Variants in DNPH1 observed in about 807,000 individuals in gnomAD.
DNPH1 encodes the protein 2'-deoxynucleoside 5'-phosphate N-hydrolase 1.
DNPH1 carries 18 observed loss-of-function variants against 15.7 expected under a neutral mutation model. The observed-to-expected ratio is 1.15, with a 90% CI of 0.79 to 1.70. DNPH1 has a LOEUF of 1.70. DNPH1 is among the 40% of genes most tolerant of loss of function. The probability of loss-of-function intolerance (pLI) is 0.00; values close to 1 mark genes in which losing one functional copy is unlikely to be tolerated. For missense variants in DNPH1, 262 were observed against 255.2 expected (o/e 1.03, Z -0.18); for synonymous variants, 114 against 107.9 (o/e 1.06, Z -0.35).
Position 43,225,658 on chromosome 6 carries a change from C to T in DNPH1, c.*75G>A, listed in dbSNP as rs1049944012. 6.4e-7 allele frequency: 1 copy of T among 1,560,994 alleles called. No homozygotes were observed. The highest frequency in any genetic ancestry group is 8.7e-7 in the Non-Finnish European group (1 of 1,144,136). ...GATTTTAACTGTACCTTTTAATTTG[C>T]TCCTGGGGCTAAGAGGAAGGAATGG... On this transcript the variant is annotated 3_prime_UTR_variant, in exon 4 of 4. Transcript: ENST00000230431.
In DNPH1 at chr6:43,229,326, G is replaced by C; in HGVS notation, c.131C>G (p.Ser44Cys). ...CACTGTCCCGAATCGCCGCAGCCGA[G>C]ACACGATCCGCTCGTACAGCGTCCT... ...EDRTLYERIV[S>C]RLRRFGTVLT... Residue 44 changes from serine (S) to cysteine (C), a missense_variant, in exon 1 of 4, where the codon TCT becomes TGT. Ser to Cys is a moderately radical substitution (Grantham distance 112). Transcript: ENST00000230431. The C allele has an allele frequency of 6.7e-7, 1 of 1,491,096 alleles. No individual in the cohort carries two copies. Among genetic ancestry groups the C allele is most frequent in the Non-Finnish European group, 8.9e-7 (1 of 1,123,656 alleles). The allele number at this position is 1,491,096 out of a possible 1,614,324, so 92.4% of individuals were successfully genotyped here. A position where few individuals can be genotyped will look rare whatever the true frequency, so the allele number is the denominator to read the frequency against.
chr6:43,226,660 A>C lies in DNPH1; in HGVS notation c.197-265T>G, dbSNP rs1319470455. 30 of 503,784 alleles carry C rather than the reference A, an allele frequency of 6.0e-5. No homozygotes were observed. Among genetic ancestry groups the C allele is most frequent in the Non-Finnish European group, 1.0e-4 (29 of 284,960 alleles). The allele number at this position is 503,784 out of a possible 1,614,324, so 31.2% of individuals were successfully genotyped here. On this transcript the variant is annotated intron_variant, in intron 1 of 3. Transcript: ENST00000230431. This position sits in a 1 kb window ranked among gnomAD's most constrained non-coding sequence, Gnocchi z 4.1. The stretch of plus-strand genomic sequence containing the variant: ...TAACTGTGGATGACATTGATTAGGG[A>C]AAGGTGCATGGGCACTTAGCCAAAA...
intron 1 of DNPH1, among the ~76,000 whole-genome samples, chr6:43,228,545 G>T: frequency 6.6e-6 from 1 of 152,126 alleles, no homozygotes; most frequent in East Asian, 1.9e-4. Context: ...GGGGAGGCAG[G>T]CCCTGGGCGG....
intron 1 of DNPH1, 26 bp downstream of exon 1, chr6:43,229,235 C>T: frequency 3.8e-6 from 5 of 1,314,202 alleles, no homozygotes; most frequent in South Asian, 4.2e-5. Flanking sequence ...CCCGCGTCCC[C>T]GCGTCCCGCG....
chr6:43,229,192 G>GC (rs1316279035), intron 1 of DNPH1, 69 bp downstream of exon 1: 3 of 1,281,772 alleles, frequency 2.3e-6, no homozygotes, highest in Non-Finnish European at 2.0e-6. Flanking sequence ...GGGGCGGACA[G>GC]GCCGGGTCCC....
At chr6:43,227,159 G>A (rs1012612382) in intron 1 of DNPH1, among the ~76,000 whole-genome samples, 1 of 151,820 alleles carries the variant, frequency 6.6e-6, no homozygotes, top group African/African-American at 2.4e-5. Flanking sequence ...GCTCACGCCT[G>A]TAATCCCAGC....
In DNPH1 at chr6:43,226,585, A is replaced by C; in HGVS notation, c.197-190T>G. The stretch of plus-strand genomic sequence containing the variant: ...GCCACAAAAAGAAAAATTCAACCCT[A>C]TGCAAGGTGGGACATGTGATTAGGG... On this transcript the variant is annotated intron_variant, in intron 1 of 3. Transcript: ENST00000230431. The surrounding 1 kb of genome is among the most constrained non-coding windows in gnomAD (Gnocchi z 4.1). 4 of 581,026 alleles carry C rather than the reference A, an allele frequency of 6.9e-6. No homozygotes were observed. The highest frequency in any genetic ancestry group is 6.1e-6 in the Non-Finnish European group (2 of 328,780). The allele number at this position is 581,026 out of a possible 1,614,324, so 36.0% of individuals were successfully genotyped here.
At chr6:43,228,663 T>C (rs1776777636) in intron 1 of DNPH1, among the ~76,000 whole-genome samples, 1 of 151,850 alleles carries the variant, frequency 6.6e-6, no homozygotes, top group Non-Finnish European at 1.5e-5. Context: ...CCGTCTCTAC[T>C]AAAAATACAA....
At chr6:43,229,092 C>A (rs1327896478) in intron 1 of DNPH1, 169 bp downstream of exon 1, 2 of 677,408 alleles carry the variant, frequency 3.0e-6, no homozygotes, top group South Asian at 3.1e-5. Context: ...GAGCCCCGGC[C>A]CGTTTCCTTC....
chr6:43,226,150 G>A lies in DNPH1; in HGVS notation c.266-7C>T, dbSNP rs1468818989. ...GTCACTTCTGCCACGACCACTGGGA[G>A]GAAAGATGAGAGGAAGCCTCAGCAT... On this transcript the variant is annotated splice_region_variant and splice_polypyrimidine_tract_variant and intron_variant, in intron 2 of 3. Transcript: ENST00000230431. This position sits in a 1 kb window ranked among gnomAD's most constrained non-coding sequence, Gnocchi z 4.1. 6.2e-7 allele frequency: 1 copy of A among 1,612,944 alleles called. No homozygotes were observed. Among genetic ancestry groups the A allele is most frequent in the East Asian group, 2.2e-5 (1 of 44,886 alleles).
chr6:43,227,557 C>T (rs1406931187), intron 1 of DNPH1, among the ~76,000 whole-genome samples: 1 of 152,104 alleles, frequency 6.6e-6, no homozygotes, highest in Non-Finnish European at 1.5e-5. Flanking sequence ...GAGCTGTAAG[C>T]TTCAGGGTCC....
Position 43,226,686 on chromosome 6 carries a change from G to A in DNPH1, c.197-291C>T. ...AAGGTGCATGGGCACTTAGCCAAAA[G>A]TAGGAGAGGCATCCTAGGCCCAGAA... On this transcript the variant is annotated intron_variant, in intron 1 of 3. Coordinates refer to ENST00000230431, the MANE Select transcript of DNPH1 (RefSeq NM_006443.3). This position sits in a 1 kb window ranked among gnomAD's most constrained non-coding sequence, Gnocchi z 4.1. 1 of 438,764 alleles carries A rather than the reference G, an allele frequency of 2.3e-6. No individual in the cohort carries two copies. The highest frequency in any genetic ancestry group is 4.1e-5 in the East Asian group (1 of 24,396). The allele number at this position is 438,764 out of a possible 1,614,324, so 27.2% of individuals were successfully genotyped here. A position where few individuals can be genotyped will look rare whatever the true frequency, so the allele number is the denominator to read the frequency against.
At chr6:43,228,580 C>A (rs959469931) in intron 1 of DNPH1, among the ~76,000 whole-genome samples, 1 of 152,102 alleles carries the variant, frequency 6.6e-6, no homozygotes, top group African/African-American at 2.4e-5. Context: ...AATCCCAGCA[C>A]TTTGGGAGGC....
At chr6:43,227,956 G>A (rs958044537) in intron 1 of DNPH1, among the ~76,000 whole-genome samples, 2 of 152,084 alleles carry the variant, frequency 1.3e-5, no homozygotes, top group Admixed American at 6.6e-5. Flanking sequence ...CAGGTATGGC[G>A]GCACACACCT....
chr6:43,225,905 A>G (rs766259188), intron 3 of DNPH1, 24 bp from the exon 4 acceptor site: 3 of 1,614,112 alleles, frequency 1.9e-6, no homozygotes, highest in Non-Finnish European at 2.5e-6. Context: ...GGAAAGGTGA[A>G]GCTGCCTCCC....
Position 43,225,815 on chromosome 6 carries a change from CCCT to C in DNPH1, c.440_442del (p.Glu147del), listed in dbSNP as rs1046003807. 5.6e-6 allele frequency: 9 copies of C among 1,614,104 alleles called. No individual in the cohort carries two copies. The highest frequency in any genetic ancestry group is 3.3e-5 in the South Asian group (3 of 91,090). ...TCGATCCAGCAGGGCCTCCACCTCTCCCTCCTCATAGTCCCACACCTGGAACCG... is the reference window on the plus strand; with the variant it reads ...TCGATCCAGCAGGGCCTCCACCTCTCCCTCATAGTCCCACACCTGGAACCG... On this transcript the variant is annotated inframe_deletion, in exon 4 of 4. Coordinates refer to ENST00000230431, the MANE Select transcript of DNPH1 (RefSeq NM_006443.3).
chr6:43,229,221 C>A, intron 1 of DNPH1, 40 bp downstream of exon 1: 1 of 1,297,500 alleles, frequency 7.7e-7, no homozygotes, highest in South Asian at 2.2e-5. Flanking sequence ...CAGCCAGGTC[C>A]GCGCCCGCGT....
At chr6:43,229,003 T>C in intron 1 of DNPH1, 1 of 374,234 alleles carries the variant, frequency 2.7e-6, no homozygotes. Flanking sequence ...GAAGACAGAG[T>C]TCTCCAAGAA....
Position 43,229,465 on chromosome 6 carries a change from C to G in DNPH1, c.-9G>C. On this transcript the variant is annotated 5_prime_UTR_variant, in exon 1 of 4. Coordinates refer to ENST00000230431, the MANE Select transcript of DNPH1 (RefSeq NM_006443.3). ...ACCATGGCAGCAGCCATTCCCCAGC[C>G]GCCCGCGCTCTCCGGCGCCAGGGGG... The G allele has an allele frequency of 7.8e-7, 1 of 1,288,348 alleles. No homozygotes were observed. The highest frequency in any genetic ancestry group is 9.8e-7 in the Non-Finnish European group (1 of 1,020,310). 79.8% of individuals were successfully genotyped at this position (1,288,348 alleles called of 1,614,324 possible). A position where few individuals can be genotyped will look rare whatever the true frequency, so the allele number is the denominator to read the frequency against.
Sources: allele counts gnomAD v4.1 joint callset (sites outside exome capture counted in the v4.1 genomes callset), GRCh38; gene constraint gnomAD v4.1.1; non-coding constraint Gnocchi (gnomAD v3.1); transcripts MANE v1.5; gene names NCBI Gene and HGNC (gene_info 2026-07-23, HGNC 2026-07-21).